Variants in RCC1L observed in about 807,000 individuals in gnomAD.
RCC1L encodes the protein RCC1 like.
Under a neutral mutation model 58.6 loss-of-function variants are expected in RCC1L, and 46 were observed. That is an observed-to-expected ratio of 0.79 (90% CI 0.62 to 1.00). The LOEUF (loss-of-function observed/expected upper bound fraction) is 1.00. Among genes scored for constraint, RCC1L ranks in the 50% least tolerant of loss-of-function variants. The pLI, the probability that RCC1L is intolerant of heterozygous loss-of-function variation, is 0.00. For synonymous variants in RCC1L, 281 were observed against 262.9 expected, an observed-to-expected ratio of 1.07 and a Z score of -0.67; for missense variants, 636 against 623.6, an observed-to-expected ratio of 1.02 and a Z score of -0.21.
chr7:75,065,682 G>A (rs1390088999), intron 3 of RCC1L, among the ~76,000 whole-genome samples: 3 of 152,176 alleles, frequency 2.0e-5, no homozygotes, highest in Non-Finnish European at 4.4e-5. Flanking sequence ...CAACTACTTA[G>A]AGTATGTGTT....
At chr7:75,043,526 G>C (rs935077871) in intron 10 of RCC1L, among the ~76,000 whole-genome samples, 2 of 152,218 alleles carry the variant, frequency 1.3e-5, no homozygotes, top group East Asian at 3.9e-4. Flanking sequence ...CCCCAGGCCA[G>C]GTGTTCAGAG....
chr7:75,064,701 A>G, intron 3 of RCC1L, 53 bp from the exon 4 acceptor site: 1 of 1,598,634 alleles, frequency 6.3e-7, no homozygotes. Context: ...GGGATCCTAG[A>G]ATGTGAGGAC....
rs1167213535 is a variant in RCC1L, at chr7:75,036,632, G to A, written c.1318-8553C>T. On this transcript the variant is annotated intron_variant, in intron 10 of 10. Transcript: ENST00000614461. The stretch of plus-strand genomic sequence containing the variant: ...CCCGGGGCCAGGTGCGGTAGCTCAC[G>A]CCTGTAATCCCAGCACTTTGGGAGG... 2.6e-5 allele frequency among the ~76,000 whole-genome samples: 4 copies of A among 152,070 alleles called. No individual in the cohort carries two copies. In the South Asian group the frequency reaches 8.3e-4, roughly 32 times the overall value.
rs782335001 is a variant in RCC1L at position 75,066,786 on chromosome 7, C to A, written c.461G>T (p.Gly154Val). The stretch of plus-strand genomic sequence containing the variant: ...TGAGGGCTCCAACACATACTCGTAG[C>A]CCCTCGCTGGAAAAGACACAGGACA... Reference protein sequence around the residue: ...FHRSRKDKTRGYEYVLEPSPV... With the variant: ...FHRSRKDKTRVYEYVLEPSPV... Residue 154 changes from glycine (G) to valine (V), a missense_variant, in exon 3 of 11, where the codon GGC becomes GTC. Physicochemically the swap from Gly to Val is moderately radical, Grantham distance 109. Transcript: ENST00000610322. 3 of 1,604,186 alleles carry A rather than the reference C, an allele frequency of 1.9e-6. No individual in the cohort carries two copies. The highest frequency in any genetic ancestry group is 2.7e-5 in the African/African-American group (2 of 74,454).
intron 10 of RCC1L, among the ~76,000 whole-genome samples, chr7:75,043,631 A>AGTT (rs1366733702): frequency 6.6e-6 from 1 of 152,186 alleles, no homozygotes; most frequent in African/African-American, 2.4e-5. Flanking sequence ...TGGGAGGCCA[A>AGTT]GGCAGGCGGA....
At chr7:75,046,995 T>C (rs1258522412) in intron 10 of RCC1L, among the ~76,000 whole-genome samples, 4 of 151,954 alleles carry the variant, frequency 2.6e-5, no homozygotes, top group African/African-American at 9.7e-5. Context: ...TCTCGCTCTG[T>C]CACCCAGGCT....
At chr7:75,068,196 G>A (rs969508500) in intron 2 of RCC1L, among the ~76,000 whole-genome samples, 2 of 151,248 alleles carry the variant, frequency 1.3e-5, no homozygotes, top group Non-Finnish European at 2.9e-5. Context: ...GCACATGCCT[G>A]TAAATCCCAG....
At chr7:75,050,473 C>A (rs938816948) in intron 10 of RCC1L, among the ~76,000 whole-genome samples, 4 of 152,292 alleles carry the variant, frequency 2.6e-5, no homozygotes, top group African/African-American at 9.6e-5. Flanking sequence ...TGAGTCAAAT[C>A]TCAGGCTGAT....
At chr7:75,045,895 A>G (rs1805705462) in intron 10 of RCC1L, among the ~76,000 whole-genome samples, 1 of 152,258 alleles carries the variant, frequency 6.6e-6, no homozygotes. Flanking sequence ...GGATGCTGGC[A>G]CTTGATCTAC....
chr7:75,028,254 G>A (rs1805193199), intron 10 of RCC1L, among the ~76,000 whole-genome samples: 1 of 151,956 alleles, frequency 6.6e-6, no homozygotes, highest in Non-Finnish European at 1.5e-5. Flanking sequence ...CCAAGTAGGT[G>A]AGATTACAGG....
rs782616788 is a variant in RCC1L at position 75,073,537 on chromosome 7, G to A, written c.201C>T (p.Ser67=). The A allele has an allele frequency of 6.1e-5, 91 of 1,493,128 alleles. No individual in the cohort carries two copies. In the South Asian group the frequency reaches 1.2e-3, roughly 19 times the overall value. The allele number at this position is 1,493,128 out of a possible 1,614,324, so 92.5% of individuals were successfully genotyped here. A position where few individuals can be genotyped will look rare whatever the true frequency, so the allele number is the denominator to read the frequency against. Residue 67 remains serine (S), a synonymous_variant, in exon 1 of 11, where the codon AGC becomes AGT. Coordinates refer to ENST00000610322, the MANE Select transcript of RCC1L (RefSeq NM_030798.5). Reference sequence around the variant, plus strand: ...AAGGCACGCCCAGCGCCCCCGAGAAGCTGAAGCCCCACACGAAGACGCGAT... The same window carrying A: ...AAGGCACGCCCAGCGCCCCCGAGAAACTGAAGCCCCACACGAAGACGCGAT... The part of the protein sequence containing the change: ...RADRVFVWGF[S]FSGALGVPSF...
downstream of RCC1L, among the ~76,000 whole-genome samples, chr7:75,037,450 A>G (rs1235422530): frequency 6.6e-6 from 1 of 151,822 alleles, no homozygotes; most frequent in African/African-American, 2.4e-5. Flanking sequence ...CGGCCTCCCA[A>G]AGTGCTGGGA....
intron 10 of RCC1L, among the ~76,000 whole-genome samples, chr7:75,032,206 G>A (rs1805322113): frequency 1.3e-5 from 2 of 152,150 alleles, no homozygotes; most frequent in South Asian, 4.1e-4. Flanking sequence ...ACCTTGGGCA[G>A]AGCCAGGCCT....
chr7:75,040,441 CAGAG>C (rs1220609827), downstream of RCC1L, among the ~76,000 whole-genome samples: 1 of 152,130 alleles, frequency 6.6e-6, no homozygotes, highest in East Asian at 1.9e-4. Context: ...GCCTGGGCAA[CAGAG>C]AGAGACTCTG....
At chr7:75,062,593 C>T (rs1268142044) in intron 5 of RCC1L, among the ~76,000 whole-genome samples, 1 of 152,184 alleles carries the variant, frequency 6.6e-6, no homozygotes, top group Non-Finnish European at 1.5e-5. Context: ...GTATTTTGCT[C>T]TCCATTTTAT....
chr7:75,056,298 G>A (rs1471808812), intron 8 of RCC1L, among the ~76,000 whole-genome samples: 1 of 151,502 alleles, frequency 6.6e-6, no homozygotes, highest in African/African-American at 2.4e-5. Context: ...AGTCTGTCTC[G>A]CCAGCTCTCC....
intron 9 of RCC1L, among the ~76,000 whole-genome samples, chr7:75,055,320 G>A (rs1806040872): frequency 6.6e-6 from 1 of 152,142 alleles, no homozygotes; most frequent in South Asian, 2.1e-4. Context: ...ACCCTGCAGG[G>A]TAAGCGGATA....
intron 10 of RCC1L, among the ~76,000 whole-genome samples, chr7:75,031,616 A>G (rs954585599): frequency 3.9e-4 from 60 of 152,240 alleles, no homozygotes; most frequent in African/African-American, 1.3e-3. Flanking sequence ...GGTCGGGGGA[A>G]CACAGGCCAG....
chr7:75,069,214 A>G (rs1806632396), intron 2 of RCC1L, among the ~76,000 whole-genome samples: 1 of 150,912 alleles, frequency 6.6e-6, no homozygotes, highest in Non-Finnish European at 1.5e-5. Flanking sequence ...TTTTTAAGAG[A>G]CATGATCTTG....
Sources: allele counts gnomAD v4.1 joint callset (sites outside exome capture counted in the v4.1 genomes callset), GRCh38; gene constraint gnomAD v4.1.1; transcripts MANE v1.5; gene names NCBI Gene and HGNC (gene_info 2026-07-23, HGNC 2026-07-21).